TMEM108: variants seen among roughly 807,000 people sequenced by gnomAD.
TMEM108 encodes cancer/testis antigen 124.
Under a neutral mutation model 35.1 loss-of-function variants are expected in TMEM108, and 12 were observed. The observed-to-expected ratio is 0.34, with a 90% CI of 0.22 to 0.55. TMEM108 has a LOEUF of 0.55. Among genes scored for constraint, TMEM108 ranks in the 20% least tolerant of loss-of-function variants. The pLI is 0.89. For synonymous variants in TMEM108, 287 were observed against 308.6 expected (o/e 0.93, Z 0.73); for missense variants, 680 against 753.3 (o/e 0.90, Z 1.14).
intron 2 of TMEM108, among the ~76,000 whole-genome samples, chr3:133,147,381 A>G (rs149531455): frequency 0.01 from 1,529 of 152,006 alleles, 20 homozygotes; most frequent in African/African-American, 0.033. Flanking sequence ...TTTTCTTTGA[A>G]ACTTCTCCAA....
chr3:133,312,886 A>G (rs533661373), intron 3 of TMEM108, among the ~76,000 whole-genome samples: 1 of 152,210 alleles, frequency 6.6e-6, no homozygotes, highest in East Asian at 1.9e-4. Context: ...CCTTCATTTT[A>G]TTGTCTTAAG....
At chr3:133,287,252 A>C (rs976710030) in intron 3 of TMEM108, among the ~76,000 whole-genome samples, 40 of 152,118 alleles carry the variant, frequency 2.6e-4, no homozygotes, top group African/African-American at 9.7e-4. Context: ...TTCTTCCCAA[A>C]CCTTACTTAT....
At chr3:133,263,738 G>T (rs926874613) in intron 3 of TMEM108, among the ~76,000 whole-genome samples, 19 of 152,202 alleles carry the variant, frequency 1.2e-4, no homozygotes, top group African/African-American at 4.1e-4. Flanking sequence ...TTTGGGCAGG[G>T]TGGAGAAGTC....
chr3:133,043,340 C>T (rs180908738), intron 1 of TMEM108, among the ~76,000 whole-genome samples: 288 of 152,208 alleles, frequency 1.9e-3, no homozygotes, highest in Admixed American at 3.2e-3. Context: ...ATTCTGAGTT[C>T]TTGTCTGAGG....
chr3:133,331,915 T>G (rs1218360147), intron 3 of TMEM108, among the ~76,000 whole-genome samples: 1 of 152,216 alleles, frequency 6.6e-6, no homozygotes. Flanking sequence ...TGATCTGGTC[T>G]TATAGTCAGA....
At chr3:133,293,393 G>A (rs2107697258) in intron 3 of TMEM108, among the ~76,000 whole-genome samples, 1 of 150,466 alleles carries the variant, frequency 6.6e-6, no homozygotes, top group East Asian at 2.0e-4. Flanking sequence ...CCCTTGACAA[G>A]TGTTGGCTTA....
At chr3:133,162,516 C>G (rs1183513483) in intron 2 of TMEM108, among the ~76,000 whole-genome samples, 1 of 152,210 alleles carries the variant, frequency 6.6e-6, no homozygotes, top group Non-Finnish European at 1.5e-5. Context: ...GTCCTGGTCA[C>G]TTTTTATCTC....
intron 2 of TMEM108, among the ~76,000 whole-genome samples, chr3:133,157,832 G>T (rs1944902324): frequency 6.6e-6 from 1 of 152,148 alleles, no homozygotes; most frequent in Non-Finnish European, 1.5e-5. Context: ...CTCTCTCAGG[G>T]TGTGTGTAAG....
At chr3:133,298,135 G>A (rs1473824988) in intron 3 of TMEM108, among the ~76,000 whole-genome samples, 1 of 152,062 alleles carries the variant, frequency 6.6e-6, no homozygotes, top group Non-Finnish European at 1.5e-5. Context: ...ACTGACTTTA[G>A]ACTGTCTTCC....
chr3:133,345,769 A>G (rs993676381), intron 3 of TMEM108, among the ~76,000 whole-genome samples: 1 of 151,982 alleles, frequency 6.6e-6, no homozygotes, highest in African/African-American at 2.4e-5. Flanking sequence ...AAAGGAATAT[A>G]AAGTTTCCAG....
intron 3 of TMEM108, among the ~76,000 whole-genome samples, chr3:133,235,207 C>G (rs1946216606): frequency 6.6e-6 from 1 of 152,086 alleles, no homozygotes; most frequent in South Asian, 2.1e-4. Context: ...AATGCCATCC[C>G]CATCAAGCTA....
At chr3:133,183,792 T>C (rs911063570) in intron 2 of TMEM108, among the ~76,000 whole-genome samples, 1 of 152,018 alleles carries the variant, frequency 6.6e-6, no homozygotes, top group Non-Finnish European at 1.5e-5. Flanking sequence ...GATGCTAAGG[T>C]GAGCAGCAGC....
At chr3:133,202,284 G>A (rs1175409972) in intron 2 of TMEM108, among the ~76,000 whole-genome samples, 1 of 152,168 alleles carries the variant, frequency 6.6e-6, no homozygotes, top group African/African-American at 2.4e-5. Flanking sequence ...CTGTGCAGAA[G>A]ATCTTTAGTT....
chr3:133,178,184 A>G (rs1345958594), intron 2 of TMEM108, among the ~76,000 whole-genome samples: 1 of 152,228 alleles, frequency 6.6e-6, no homozygotes, highest in Non-Finnish European at 1.5e-5. Flanking sequence ...AAATGGAAGA[A>G]CATTCCATAC....
chr3:133,142,127 TC>T (rs1944650282), intron 2 of TMEM108, among the ~76,000 whole-genome samples: 1 of 152,158 alleles, frequency 6.6e-6, no homozygotes. Flanking sequence ...GGCAAAATTG[TC>T]CCCAGTTAAG....
At chr3:133,345,168 A>G (rs1036355854) in intron 3 of TMEM108, among the ~76,000 whole-genome samples, 2 of 151,816 alleles carry the variant, frequency 1.3e-5, no homozygotes, top group Non-Finnish European at 3.0e-5. Context: ...AGTCTTAATC[A>G]TAAATAAAGA....
At chr3:133,048,430 A>G (rs1943364700) in intron 2 of TMEM108, among the ~76,000 whole-genome samples, 1 of 152,236 alleles carries the variant, frequency 6.6e-6, no homozygotes, top group Admixed American at 6.5e-5. Flanking sequence ...TAAATGTTTT[A>G]ATATGACATG....
intron 3 of TMEM108, among the ~76,000 whole-genome samples, chr3:133,287,903 T>C (rs746755842): frequency 9.2e-5 from 14 of 152,342 alleles, no homozygotes; most frequent in Non-Finnish European, 1.9e-4. Flanking sequence ...AGAATTTTGC[T>C]GCTGTAGCAT....
intron 1 of TMEM108, among the ~76,000 whole-genome samples, chr3:133,038,812 G>T (rs1362362727): frequency 6.6e-6 from 1 of 152,222 alleles, no homozygotes; most frequent in East Asian, 1.9e-4. Context: ...TTAATGCAGG[G>T]GGACCTGTCA....
Sources: allele counts gnomAD v4.1 joint callset (sites outside exome capture counted in the v4.1 genomes callset), GRCh38; gene constraint gnomAD v4.1.1; transcripts MANE v1.5; gene names NCBI Gene and HGNC (gene_info 2026-07-23, HGNC 2026-07-21).